Variants in ZPBP observed in about 807,000 individuals in gnomAD.
ZPBP encodes the protein zona pellucida-binding protein 1.
A neutral mutation model predicts 44.8 loss-of-function variants in ZPBP; 26 were observed. The observed-to-expected ratio is 0.58, with a 90% CI of 0.43 to 0.81. The LOEUF (loss-of-function observed/expected upper bound fraction) is 0.81, where lower values mean the gene tolerates loss of function less well. Ranked by LOEUF, ZPBP falls within the 30% of genes least tolerant of loss-of-function variation. ZPBP has a pLI of 0.00. For missense variants in ZPBP, 409 were observed against 434.0 expected (o/e 0.94, Z 0.51); for synonymous variants, 174 against 153.2 (o/e 1.14, Z -1.00).
At chr7:49,954,538 C>T (rs939735816) in intron 7 of ZPBP, among the ~76,000 whole-genome samples, 16 of 151,986 alleles carry the variant, frequency 1.1e-4, no homozygotes, top group African/African-American at 3.6e-4. Flanking sequence ...GTCTAAATAA[C>T]TGGTACAATA....
intron 2 of ZPBP, among the ~76,000 whole-genome samples, chr7:49,889,296 G>A (rs1232894987): frequency 6.6e-6 from 1 of 152,188 alleles, no homozygotes; most frequent in Non-Finnish European, 1.5e-5. Flanking sequence ...GGCTTCTATT[G>A]TGAAGGTTAA....
intron 2 of ZPBP, among the ~76,000 whole-genome samples, chr7:49,893,978 T>C (rs1792256163): frequency 6.6e-6 from 1 of 152,204 alleles, no homozygotes; most frequent in Admixed American, 6.5e-5. Context: ...CTCTCACTGC[T>C]TGGAGTTCTG....
intron 6 of ZPBP, among the ~76,000 whole-genome samples, chr7:49,997,902 CTT>C (rs1797922662): frequency 2.0e-5 from 3 of 150,684 alleles, no homozygotes; most frequent in African/African-American, 7.3e-5. Flanking sequence ...AATTAAATGT[CTT>C]TATTTATTTA....
intron 2 of ZPBP, among the ~76,000 whole-genome samples, chr7:49,865,112 C>T (rs1259926033): frequency 1.3e-5 from 2 of 152,008 alleles, no homozygotes; most frequent in Non-Finnish European, 2.9e-5. Flanking sequence ...CTGAAATTTG[C>T]CATGTAAAGA....
At chr7:49,863,939 ATGT>A (rs1232509115) in intron 2 of ZPBP, among the ~76,000 whole-genome samples, 3 of 152,064 alleles carry the variant, frequency 2.0e-5, no homozygotes, top group African/African-American at 4.8e-5. Context: ...AAGTTTTCGT[ATGT>A]TGTTTTAAAA....
At chr7:49,980,232 A>G (rs1476850975) in intron 7 of ZPBP, among the ~76,000 whole-genome samples, 1 of 125,694 alleles carries the variant, frequency 8.0e-6, no homozygotes, top group South Asian at 2.2e-4. Context: ...TATATAATAT[A>G]AATATATAAT....
intron 7 of ZPBP, among the ~76,000 whole-genome samples, chr7:49,968,511 A>G (rs1043304249): frequency 1.1e-4 from 17 of 152,194 alleles, no homozygotes; most frequent in African/African-American, 3.8e-4. Context: ...ATATCAAGAC[A>G]TATGGAGCTG....
At chr7:49,961,963 A>G (rs1461030573) in intron 7 of ZPBP, among the ~76,000 whole-genome samples, 3 of 152,092 alleles carry the variant, frequency 2.0e-5, no homozygotes, top group Non-Finnish European at 4.4e-5. Flanking sequence ...CATAATATTT[A>G]TAAAGATTTC....
intron 6 of ZPBP, among the ~76,000 whole-genome samples, chr7:49,989,615 C>T (rs1399891426): frequency 1.3e-5 from 2 of 152,126 alleles, no homozygotes; most frequent in African/African-American, 4.8e-5. Flanking sequence ...CAAAACTTAT[C>T]ATACATTTGT....
intron 1 of ZPBP, 58 bp from the exon 2 acceptor site, chr7:50,089,767 T>A: frequency 7.5e-7 from 1 of 1,328,330 alleles, no homozygotes; most frequent in Non-Finnish European, 1.1e-6. Context: ...TATTCAAATA[T>A]ACTATTACAG....
rs1295167922 is a variant in ZPBP at position 49,984,472 on chromosome 7, G to GT, written c.784-954dup. On this transcript the variant is annotated intron_variant, in intron 6 of 7. Transcript: ENST00000046087. ...CTAGGGAATGGTTTTATGGAAGACA[G>GT]TTTTTTCACAGACCAGGGTGGTAGG... is the stretch of plus-strand genomic sequence containing the variant. 2.0e-5 allele frequency among the ~76,000 whole-genome samples: 3 copies of GT among 152,206 alleles called. No homozygotes were observed. In the South Asian group the frequency reaches 6.2e-4, roughly 32 times the overall value.
intron 6 of ZPBP, among the ~76,000 whole-genome samples, chr7:49,985,543 T>C (rs1797225498): frequency 6.6e-6 from 1 of 151,928 alleles, no homozygotes; most frequent in Non-Finnish European, 1.5e-5. Context: ...ATTAATTGCA[T>C]TTAAATTTGA....
chr7:50,050,651 A>G lies in ZPBP; in HGVS notation c.487+7338T>C, dbSNP rs187495717. Among the ~76,000 whole-genome samples, 5 of 151,988 alleles carry G rather than the reference A, an allele frequency of 3.3e-5. No individual in the cohort carries two copies. The East Asian group carries it at 9.7e-4, about 29-fold the overall frequency. On this transcript the variant is annotated intron_variant, in intron 4 of 7. Transcript: ENST00000046087. ...TGCCATAGTTAAATATAAAAAGGAA[A>G]CCTGTGCTGGGAGAACTGGCTAGCC... is the stretch of plus-strand genomic sequence containing the variant.
intron 4 of ZPBP, among the ~76,000 whole-genome samples, chr7:50,044,905 C>T (rs1249619116): frequency 2.0e-5 from 3 of 152,010 alleles, no homozygotes; most frequent in African/African-American, 7.2e-5. Context: ...ATGTGAAAAT[C>T]CTCAATAAAA....
intron 7 of ZPBP, among the ~76,000 whole-genome samples, chr7:49,982,431 G>T (rs921600263): frequency 7.0e-6 from 1 of 142,966 alleles, no homozygotes; most frequent in African/African-American, 2.6e-5. Flanking sequence ...GAAGTCATTT[G>T]TTTAATTTGT....
intron 2 of ZPBP, among the ~76,000 whole-genome samples, chr7:49,881,185 A>G (rs1351919919): frequency 1.3e-5 from 2 of 152,092 alleles, no homozygotes; most frequent in African/African-American, 4.8e-5. Context: ...CAGGAGGTGA[A>G]GCTGACTGAG....
Position 49,983,517 on chromosome 7 carries a change from A to C in ZPBP, c.786T>G (p.Ala262=). The C allele has an allele frequency of 6.3e-7, 1 of 1,582,230 alleles. No individual in the cohort carries two copies. Among genetic ancestry groups the C allele is most frequent in the Non-Finnish European group, 8.6e-7 (1 of 1,156,332 alleles). Residue 262 remains alanine, a splice_region_variant and synonymous_variant, in exon 7 of 8, where the codon GCT becomes GCG. Transcript: ENST00000046087. ...TAAAAAATCTCTCTATGAGATTTTT[A>C]GCCTAAAACATAAATACAATTTGAT... is the stretch of plus-strand genomic sequence containing the variant. ...NCEPYKRLFK[A]KNLIERFFNQ... is the part of the protein sequence containing the mutation.
chr7:50,063,954 C>T (rs1468539285), intron 3 of ZPBP, among the ~76,000 whole-genome samples: 1 of 152,162 alleles, frequency 6.6e-6, no homozygotes, highest in East Asian at 1.9e-4. Context: ...ATCTTGCACC[C>T]ACATAGCTGG....
At chr7:49,931,886 C>T (rs573011856) in intron 1 of ZPBP, among the ~76,000 whole-genome samples, 5 of 152,354 alleles carry the variant, frequency 3.3e-5, no homozygotes, top group African/African-American at 9.6e-5. Flanking sequence ...GTGCCCTGCA[C>T]GTTCCAGCTG....
Sources: gnomAD v4.1 joint callset for allele counts (sites outside exome capture counted in the v4.1 genomes callset) on GRCh38, gnomAD v4.1.1 for gene constraint, MANE v1.5 for transcripts, NCBI Gene and HGNC (gene_info 2026-07-23, HGNC 2026-07-21) for gene names.